ZFPM2: variants seen among roughly 807,000 people sequenced by gnomAD.
ZFPM2 encodes zinc finger protein ZFPM2.
ZFPM2 carries 20 observed loss-of-function variants against 98.6 expected under a neutral mutation model. The observed-to-expected ratio is 0.20, with a 90% CI of 0.14 to 0.29. The LOEUF (loss-of-function observed/expected upper bound fraction) is 0.29. Among genes scored for constraint, ZFPM2 ranks in the 10% least tolerant of loss-of-function variants. The probability of loss-of-function intolerance (pLI) is 1.00; values close to 1 mark genes in which losing one functional copy is unlikely to be tolerated. For missense variants in ZFPM2, 1,310 were observed against 1,388.6 expected (o/e 0.94, Z 0.90); for synonymous variants, 518 against 502.7 (o/e 1.03, Z -0.41).
intron 5 of ZFPM2, among the ~76,000 whole-genome samples, chr8:105,690,348 C>T (rs1049666462): frequency 2.0e-5 from 3 of 152,326 alleles, no homozygotes; most frequent in African/African-American, 4.8e-5. Context: ...GTGCTGTTAT[C>T]GTTCTCACTT....
intron 3 of ZFPM2, among the ~76,000 whole-genome samples, chr8:105,548,375 A>G (rs1814761433): frequency 6.6e-6 from 1 of 152,160 alleles, no homozygotes; most frequent in Non-Finnish European, 1.5e-5. Flanking sequence ...TCATTTTCCA[A>G]TAATTTTTAG....
At chr8:105,512,405 C>T (rs551495592) in intron 3 of ZFPM2, among the ~76,000 whole-genome samples, 4 of 152,198 alleles carry the variant, frequency 2.6e-5, no homozygotes, top group East Asian at 1.9e-4. Flanking sequence ...TAGGATTGAA[C>T]GCTGTATTCT....
intron 5 of ZFPM2, among the ~76,000 whole-genome samples, chr8:105,706,050 G>A (rs537097064): frequency 2.6e-4 from 39 of 151,934 alleles, no homozygotes; most frequent in African/African-American, 8.4e-4. Flanking sequence ...GCATTCCCAG[G>A]CATGTGAGTG....
chr8:105,696,724 A>G lies in ZFPM2; in HGVS notation c.532+62367A>G, dbSNP rs115944001. Among the ~76,000 whole-genome samples the G allele has an allele frequency of 5.9e-3, 899 of 152,258 alleles. 7 individuals carry two copies. The highest frequency in any genetic ancestry group is 0.02 in the African/African-American group (852 of 41,568). On this transcript the variant is annotated intron_variant, in intron 5 of 7. Coordinates refer to ENST00000407775, the MANE Select transcript of ZFPM2 (RefSeq NM_012082.4). ...ACTTGGAAAGACAACTTTAAATTAT[A>G]TTTCTTTAAATTTTGTTTTGCTGTA...
chr8:105,588,428 C>T (rs1307613253), intron 4 of ZFPM2, among the ~76,000 whole-genome samples: 1 of 151,728 alleles, frequency 6.6e-6, no homozygotes, highest in African/African-American at 2.4e-5. Flanking sequence ...AAAAAAAAAT[C>T]GAAACCACAT....
chr8:105,565,764 C>T (rs1815230406), intron 4 of ZFPM2, among the ~76,000 whole-genome samples: 1 of 152,164 alleles, frequency 6.6e-6, no homozygotes, highest in Non-Finnish European at 1.5e-5. Flanking sequence ...GCAAAAAGCA[C>T]TCTTTAAATT....
chr8:105,409,190 G>T lies in ZFPM2; in HGVS notation c.41-9954G>T, dbSNP rs148770597. 2.2e-4 allele frequency among the ~76,000 whole-genome samples: 33 copies of T among 151,864 alleles called. 1 individual carries two copies. In the East Asian group the frequency reaches 6.4e-3, roughly 29 times the overall value. ...GGATGAAGAGAATGCTTTTGCTGTT[G>T]GAAGGTTTTGCTCTTCAGAAGACTC... On this transcript the variant is annotated intron_variant, in intron 1 of 7. Transcript: ENST00000407775.
intron 4 of ZFPM2, among the ~76,000 whole-genome samples, chr8:105,590,792 A>G (rs555775044): frequency 3.3e-5 from 5 of 152,262 alleles, no homozygotes; most frequent in Admixed American, 1.3e-4. Context: ...ACACAGAGTC[A>G]GTGGAAGTGT....
rs567497105 is a variant in ZFPM2 at position 105,392,911 on chromosome 8, A to T, written c.41-26233A>T. On this transcript the variant is annotated intron_variant, in intron 1 of 7. Transcript: ENST00000407775. ...TCAGATAATAGGTTTTATTACTTAA[A>T]TCCAAGTTCTATTTGAAGCTTTAAC... Among the ~76,000 whole-genome samples the T allele has an allele frequency of 1.3e-3, 191 of 152,132 alleles. 2 individuals carry two copies. Among genetic ancestry groups the T allele is most frequent in the Non-Finnish European group, 1.6e-3 (107 of 68,006 alleles).
chr8:105,687,026 G>A (rs553243777), intron 5 of ZFPM2, among the ~76,000 whole-genome samples: 1 of 152,256 alleles, frequency 6.6e-6, no homozygotes, highest in Admixed American at 6.5e-5. Flanking sequence ...TGTGGTGTGT[G>A]AATGTTTTTA....
chr8:105,328,220 C>G (rs1221007928), intron 1 of ZFPM2, among the ~76,000 whole-genome samples: 2 of 151,604 alleles, frequency 1.3e-5, no homozygotes, highest in Non-Finnish European at 3.0e-5. Context: ...AAATATAGCT[C>G]AGTGAATGTA....
At chr8:105,494,399 C>T (rs996238386) in intron 3 of ZFPM2, among the ~76,000 whole-genome samples, 4 of 151,430 alleles carry the variant, frequency 2.6e-5, no homozygotes, top group African/African-American at 9.7e-5. Flanking sequence ...ATTCTGCAGA[C>T]GTTGTCTCTC....
At chr8:105,740,210 T>C (rs180712525) in intron 5 of ZFPM2, among the ~76,000 whole-genome samples, 2 of 152,124 alleles carry the variant, frequency 1.3e-5, no homozygotes, top group East Asian at 3.9e-4. Flanking sequence ...AAATAAAATA[T>C]TTCACAAACA....
chr8:105,499,145 C>T (rs996709211), intron 3 of ZFPM2, among the ~76,000 whole-genome samples: 3 of 152,020 alleles, frequency 2.0e-5, no homozygotes, highest in African/African-American at 7.2e-5. Flanking sequence ...GCCCTTCCCT[C>T]CTGCCCTGAC....
intron 4 of ZFPM2, among the ~76,000 whole-genome samples, chr8:105,582,365 G>A (rs1037697984): frequency 1.3e-5 from 2 of 152,138 alleles, no homozygotes; most frequent in Non-Finnish European, 2.9e-5. Context: ...GACACAGAGG[G>A]CTGTCTGAAG....
chr8:105,553,694 G>T (rs1814917466), intron 3 of ZFPM2, among the ~76,000 whole-genome samples: 1 of 152,090 alleles, frequency 6.6e-6, no homozygotes, highest in African/African-American at 2.4e-5. Context: ...TACCTAGGGT[G>T]AGCATTTTTC....
intron 3 of ZFPM2, among the ~76,000 whole-genome samples, chr8:105,507,680 T>C (rs1289517030): frequency 1.3e-5 from 2 of 152,152 alleles, no homozygotes; most frequent in Admixed American, 1.3e-4. Context: ...AATTATACTG[T>C]TTCATTCTCA....
intron 2 of ZFPM2, among the ~76,000 whole-genome samples, chr8:105,433,554 G>A (rs1261361029): frequency 1.3e-5 from 2 of 152,128 alleles, no homozygotes; most frequent in Non-Finnish European, 2.9e-5. Context: ...TTGGGAGGCC[G>A]AGGCGGTTGG....
intron 2 of ZFPM2, among the ~76,000 whole-genome samples, chr8:105,422,991 C>G (rs1173767833): frequency 6.6e-6 from 1 of 152,022 alleles, no homozygotes; most frequent in East Asian, 1.9e-4. Flanking sequence ...TTCAATGGCT[C>G]TTATTATTGT....
Sources: allele counts gnomAD v4.1 joint callset (sites outside exome capture counted in the v4.1 genomes callset), GRCh38; gene constraint gnomAD v4.1.1; transcripts MANE v1.5; gene names NCBI Gene and HGNC (gene_info 2026-07-23, HGNC 2026-07-21).